The following ZNF726 variants were observed in gnomAD, a reference collection of about 807,000 sequenced individuals.
ZNF726 encodes the protein zinc finger protein 726, also known as zinc finger protein 92 pseudogene 3.
In ZNF726, 15 loss-of-function variants were observed where a neutral mutation model predicts 11.6. That is an observed-to-expected ratio of 1.29 (90% CI 0.86 to 1.99). The LOEUF (loss-of-function observed/expected upper bound fraction) is 1.99, where lower values mean the gene tolerates loss of function less well. Among genes scored for constraint, ZNF726 ranks in the 30% most tolerant of loss-of-function variants. The pLI is 0.00. For synonymous variants in ZNF726, 295 were observed against 243.6 expected, an observed-to-expected ratio of 1.21 and a Z score of -1.96; for missense variants, 890 against 725.6, an observed-to-expected ratio of 1.23 and a Z score of -2.60.
At position 23,933,719 on chromosome 19, in the gene ZNF726, A is replaced by T; in HGVS notation, c.1603A>T (p.Lys535Ter). ...SKHKRIHTGE[K>*]PYKCEECGKT... The stretch of plus-strand genomic sequence containing the variant: ...ACATAAGAGGATTCACACTGGAGAG[A>T]AACCCTACAAATGTGAAGAATGTGG... Residue 535 changes from lysine to a stop codon, truncating the protein, a stop_gained, in exon 4 of 4, where the codon AAA (lysine) becomes TAA (stop). Coordinates refer to ENST00000594466, the MANE Select transcript of ZNF726 (RefSeq NM_001244038.2). LOFTEE classifies it low-confidence loss of function (END_TRUNC). 5 of 1,612,526 alleles carry T rather than the reference A, an allele frequency of 3.1e-6. No individual in the cohort carries two copies. The East Asian group carries it at 1.1e-4, about 36-fold the overall frequency.
chr19:23,927,481 ATTG>A (rs1420527449), intron 3 of ZNF726, among the ~76,000 whole-genome samples: 3 of 151,632 alleles, frequency 2.0e-5, no homozygotes, highest in African/African-American at 4.8e-5. Flanking sequence ...TTTATTTGTT[ATTG>A]TTGTGTTTGT....
At chr19:23,938,975 T>A (rs367997450), downstream of ZNF726, among the ~76,000 whole-genome samples, 195 of 152,214 alleles carry the variant, frequency 1.3e-3, no homozygotes, top group African/African-American at 4.2e-3. Context: ...ATTTTTTTTT[T>A]AATTTCATTG....
intron 3 of ZNF726, among the ~76,000 whole-genome samples, chr19:23,925,983 G>A (rs1402869392): frequency 6.6e-6 from 1 of 151,990 alleles, no homozygotes; most frequent in Non-Finnish European, 1.5e-5. Context: ...TCAGTGTGCT[G>A]CAATTACAGG....
At chr19:23,926,899 G>A (rs1346273693) in intron 3 of ZNF726, among the ~76,000 whole-genome samples, 1 of 151,992 alleles carries the variant, frequency 6.6e-6, no homozygotes, top group African/African-American at 2.4e-5. Context: ...TGTTTTTCAT[G>A]GGTGTTTGTC....
intron 1 of ZNF726, among the ~76,000 whole-genome samples, chr19:23,915,572 T>C (rs1054153526): frequency 1.1e-4 from 16 of 152,146 alleles, no homozygotes; most frequent in Admixed American, 7.2e-4. Context: ...ATTTTGTTGT[T>C]GTTGTTTTGT....
chr19:23,922,384 G>A (rs1431293668), intron 3 of ZNF726, among the ~76,000 whole-genome samples: 1 of 152,164 alleles, frequency 6.6e-6, no homozygotes, highest in Non-Finnish European at 1.5e-5. Flanking sequence ...ACTGAGTCAT[G>A]GAACTGCTTC....
chr19:23,917,493 G>GAAA (rs11297783), intron 1 of ZNF726, among the ~76,000 whole-genome samples: 2 of 139,920 alleles, frequency 1.4e-5, no homozygotes, highest in African/African-American at 5.1e-5. Context: ...AAGAAAAAAA[G>GAAA]AAAAAAAAAA....
At chr19:23,928,548 G>T (rs1968036774) in intron 3 of ZNF726, 3 of 152,094 alleles carry the variant, frequency 2.0e-5, no homozygotes, top group African/African-American at 7.2e-5. Flanking sequence ...TACATTTGTG[G>T]TAATATCAAC....
At chr19:23,937,401 G>T (rs891184983), downstream of ZNF726, among the ~76,000 whole-genome samples, 55 of 151,474 alleles carry the variant, frequency 3.6e-4, no homozygotes, top group African/African-American at 1.3e-3. Context: ...GGTGGCTGCC[G>T]GGCAGAGGGG....
At chr19:23,928,507 G>GAGAT (rs941318936) in intron 3 of ZNF726, 23 of 151,884 alleles carry the variant, frequency 1.5e-4, no homozygotes, top group South Asian at 1.5e-3. Flanking sequence ...GATAGATAGA[G>GAGAT]AGATAGATAG....
Position 23,932,621 on chromosome 19 carries a change from A to G in ZNF726, c.505A>G (p.Arg169Gly), listed in dbSNP as rs1378446910. 2 of 1,545,176 alleles carry G rather than the reference A, an allele frequency of 1.3e-6. No individual in the cohort carries two copies. Among genetic ancestry groups the G allele is most frequent in the Non-Finnish European group, 1.7e-6 (2 of 1,147,964 alleles). The change falls in exon 4 of 4, where the codon AGA (arginine) becomes GGA (glycine). Residue 169 changes from arginine (R) to glycine (G), a missense_variant. By Grantham distance (125) the Arg-to-Gly change is moderately radical. Transcript: ENST00000594466. ...NLNRYKIRHT[R>G]KKPFKCKNCV... Reference sequence around the variant, plus strand: ...AAACAGATATAAGATAAGACATACTAGAAAGAAACCTTTCAAATGTAAAAA... The same window carrying G: ...AAACAGATATAAGATAAGACATACTGGAAAGAAACCTTTCAAATGTAAAAA...
At chr19:23,918,120 G>A (rs974231620) in intron 1 of ZNF726, among the ~76,000 whole-genome samples, 6 of 152,124 alleles carry the variant, frequency 3.9e-5, no homozygotes, top group African/African-American at 7.2e-5. Flanking sequence ...GTGACGGGAG[G>A]GGTAATTCAC....
rs745367892 is a variant in ZNF726, at chr19:23,919,423, G to A, written c.54G>A (p.Trp18Ter). ...CCATAGAATTCTCTCTGGAGGAGTG[G>A]CAGTGCCTGGACACTGCACAGAAGA... Reference protein sequence around the residue: ...DVAIEFSLEEWQCLDTAQKNL... With the variant: ...DVAIEFSLEE The change falls in exon 2 of 4, where the codon TGG becomes TGA. Residue 18 changes from tryptophan (W) to a stop codon, truncating the protein, a stop_gained. Transcript: ENST00000594466. LOFTEE classifies it high-confidence loss of function. 6 of 1,608,206 alleles carry A rather than the reference G, an allele frequency of 3.7e-6. No individual in the cohort carries two copies. The South Asian group carries it at 6.6e-5, about 18-fold the overall frequency.
At chr19:23,930,781 ATTAT>A (rs1270548975) in intron 3 of ZNF726, among the ~76,000 whole-genome samples, 5 of 152,122 alleles carry the variant, frequency 3.3e-5, no homozygotes, top group African/African-American at 7.2e-5. Context: ...AACAATCATA[ATTAT>A]TTATCTCTTT....
At chr19:23,938,914 A>C (rs1968292526), downstream of ZNF726, among the ~76,000 whole-genome samples, 1 of 152,006 alleles carries the variant, frequency 6.6e-6, no homozygotes, top group Non-Finnish European at 1.5e-5. Flanking sequence ...GCCTGTGTGT[A>C]ATAGTTTATG....
chr19:23,938,471 T>C (rs893089484), downstream of ZNF726, among the ~76,000 whole-genome samples: 2 of 152,186 alleles, frequency 1.3e-5, no homozygotes, highest in African/African-American at 2.4e-5. Flanking sequence ...GTACTTTGTA[T>C]TAAATTTATT....
chr19:23,930,309 G>A (rs1968077516), intron 3 of ZNF726, among the ~76,000 whole-genome samples: 1 of 151,498 alleles, frequency 6.6e-6, no homozygotes, highest in African/African-American at 2.4e-5. Flanking sequence ...CTTCCTCTGA[G>A]ATTTTCTTAA....
intron 3 of ZNF726, among the ~76,000 whole-genome samples, chr19:23,942,788 T>C (rs1186633733): frequency 1.3e-5 from 2 of 152,208 alleles, no homozygotes; most frequent in African/African-American, 4.8e-5. Context: ...ACCCCTGTTT[T>C]CTTTTGGTGT....
chr19:23,939,038 G>A (rs534025442), downstream of ZNF726, among the ~76,000 whole-genome samples: 1 of 151,892 alleles, frequency 6.6e-6, no homozygotes, highest in East Asian at 1.9e-4. Context: ...AAGTTCTTTA[G>A]TGGTGATTTG....
Sources: allele counts gnomAD v4.1 joint callset (sites outside exome capture counted in the v4.1 genomes callset), GRCh38; gene constraint gnomAD v4.1.1; transcripts MANE v1.5; gene names NCBI Gene and HGNC (gene_info 2026-07-23, HGNC 2026-07-21).